SEL1L2: variants seen among roughly 807,000 people sequenced by gnomAD.
SEL1L2 encodes the protein protein sel-1 homolog 2.
Under a neutral mutation model 98.8 loss-of-function variants are expected in SEL1L2, and 89 were observed. The ratio of observed to expected loss-of-function variants is 0.90; its 90% confidence interval spans 0.76 to 1.07. The LOEUF (loss-of-function observed/expected upper bound fraction) is 1.07. Ranked by LOEUF, SEL1L2 falls within the 50% of genes least tolerant of loss-of-function variation. SEL1L2 has a pLI of 0.00. For missense variants in SEL1L2, 788 were observed against 812.0 expected, an observed-to-expected ratio of 0.97 and a Z score of 0.36; for synonymous variants, 262 against 278.5, an observed-to-expected ratio of 0.94 and a Z score of 0.59.
intron 3 of SEL1L2, among the ~76,000 whole-genome samples, chr20:13,930,087 G>A (rs940555108): frequency 1.4e-4 from 21 of 152,284 alleles, no homozygotes; most frequent in East Asian, 7.7e-4. Context: ...AATGGCCACC[G>A]GCCTTCTGAT....
rs560944748 is a variant in SEL1L2, at chr20:13,956,146, A to T, written c.59-15T>A. The T allele has an allele frequency of 1.4e-6, 2 of 1,393,068 alleles. No homozygotes were observed. Among genetic ancestry groups the T allele is most frequent in the Non-Finnish European group, 9.8e-7 (1 of 1,020,420 alleles). 86.3% of individuals were successfully genotyped at this position (1,393,068 alleles called of 1,614,324 possible). A position where few individuals can be genotyped will look rare whatever the true frequency, so the allele number is the denominator to read the frequency against. ...TGCTTTGATAGCTGCAATACACAAA[A>T]TTTTTTTATAAAATTTAAAAGCATT... On this transcript the variant is annotated splice_polypyrimidine_tract_variant and intron_variant, in intron 1 of 19. Coordinates refer to ENST00000284951, the MANE Select transcript of SEL1L2 (RefSeq NM_025229.2).
intron 3 of SEL1L2, among the ~76,000 whole-genome samples, chr20:13,929,042 G>A (rs1458830797): frequency 2.6e-5 from 4 of 152,084 alleles, no homozygotes; most frequent in Non-Finnish European, 4.4e-5. Context: ...GGGTTGGCCC[G>A]ATTCCATCAG....
intron 4 of SEL1L2, among the ~76,000 whole-genome samples, 161 bp from the exon 5 acceptor site, chr20:13,914,105 C>G (rs2048309651): frequency 6.6e-6 from 1 of 152,016 alleles, no homozygotes; most frequent in Admixed American, 6.6e-5. Flanking sequence ...TTTTTTCATT[C>G]CTAAAGCAGT....
At chr20:13,915,147 G>C (rs967110360) in intron 4 of SEL1L2, 11 of 1,289,738 alleles carry the variant, frequency 8.5e-6, no homozygotes, top group Non-Finnish European at 1.1e-5. Context: ...TCCATGCTGA[G>C]GCTAAAATAA....
intron 1 of SEL1L2, among the ~76,000 whole-genome samples, chr20:13,985,855 G>A (rs1044974453): frequency 6.6e-6 from 1 of 152,154 alleles, no homozygotes; most frequent in Non-Finnish European, 1.5e-5. Flanking sequence ...CCGACTTTCA[G>A]TCTCTGTGCA....
At chr20:13,853,819 C>T (rs1988705543) in intron 18 of SEL1L2, among the ~76,000 whole-genome samples, 1 of 152,146 alleles carries the variant, frequency 6.6e-6, no homozygotes, top group African/African-American at 2.4e-5. Flanking sequence ...AATAGTATAC[C>T]ACTATACAAT....
intron 5 of SEL1L2, among the ~76,000 whole-genome samples, chr20:13,905,378 A>G (rs1410260831): frequency 7.2e-6 from 1 of 138,978 alleles, no homozygotes; most frequent in African/African-American, 2.8e-5. Flanking sequence ...CAGTGGCGTG[A>G]TCTCAGCTCA....
At chr20:13,936,960 C>A (rs954430503) in intron 2 of SEL1L2, among the ~76,000 whole-genome samples, 1 of 152,204 alleles carries the variant, frequency 6.6e-6, no homozygotes, top group African/African-American at 2.4e-5. Context: ...CACAGTCTGA[C>A]CTAAAAATGT....
At chr20:13,971,031 C>G (rs2051261694) in intron 1 of SEL1L2, among the ~76,000 whole-genome samples, 1 of 151,604 alleles carries the variant, frequency 6.6e-6, no homozygotes, top group Admixed American at 6.6e-5. Flanking sequence ...TGCATGATTA[C>G]TGGTACAGTT....
At position 13,849,611 on chromosome 20, in the gene SEL1L2, G is replaced by T. The variant is rs1449204703; in HGVS notation, c.1948-7C>A. On this transcript the variant is annotated splice_polypyrimidine_tract_variant and splice_region_variant and intron_variant, in intron 19 of 19. Transcript: ENST00000284951. ...AGTTCCATCTCGTTGTGAACTGCTG[G>T]CAAGAGACATTCTCTCAAAAACAAT... is the stretch of plus-strand genomic sequence containing the variant. 1 of 1,613,052 alleles carries T rather than the reference G, an allele frequency of 6.2e-7. No homozygotes were observed. The highest frequency in any genetic ancestry group is 8.5e-7 in the Non-Finnish European group (1 of 1,179,556).
At chr20:13,869,424 T>G in intron 14 of SEL1L2, 79 bp downstream of exon 14, 1 of 1,078,122 alleles carries the variant, frequency 9.3e-7, no homozygotes, top group Non-Finnish European at 1.4e-6. Flanking sequence ...CACCAAACCT[T>G]TGATGTTTGT....
chr20:13,875,120 C>T (rs756368900), intron 12 of SEL1L2, among the ~76,000 whole-genome samples: 1 of 152,142 alleles, frequency 6.6e-6, no homozygotes, highest in Admixed American at 6.5e-5. Context: ...GGATGTGCTT[C>T]GAAGTTCACT....
intron 2 of SEL1L2, among the ~76,000 whole-genome samples, chr20:13,949,317 A>C (rs1206830502): frequency 3.3e-5 from 5 of 152,192 alleles, no homozygotes; most frequent in Non-Finnish European, 5.9e-5. Flanking sequence ...GAAAACAAAA[A>C]TGAAAACCTC....
chr20:13,983,023 C>CAATAAAAAAAAAA (rs2051924022), intron 1 of SEL1L2, among the ~76,000 whole-genome samples: 1 of 15,562 alleles, frequency 6.4e-5, no homozygotes, highest in Non-Finnish European at 1.4e-4. Context: ...GACTCCATCT[C>CAATAAAAAAAAAA]AAAAAAAAAA....
chr20:13,899,426 T>C (rs187736020), intron 5 of SEL1L2, among the ~76,000 whole-genome samples: 1 of 152,322 alleles, frequency 6.6e-6, no homozygotes, highest in Admixed American at 6.5e-5. Flanking sequence ...ATTATTTATA[T>C]TTTTTCTTCT....
Position 13,850,241 on chromosome 20 carries a change from C to A in SEL1L2, c.1897G>T (p.Val633Phe). 2 of 1,613,990 alleles carry A rather than the reference C, an allele frequency of 1.2e-6. No individual in the cohort carries two copies. The highest frequency in any genetic ancestry group is 1.7e-6 in the Non-Finnish European group (2 of 1,179,918). Reference protein sequence around the residue: ...PDAHIPVLFAVMKLETTHLLR... With the variant: ...PDAHIPVLFAFMKLETTHLLR... ...AAATGCGTAGTTTCCAGTTTCATGA[C>A]GGCAAAGAGCACAGGTATGTGGGCA... The change falls in exon 19 of 20, where the codon GTC becomes TTC. Residue 633 changes from valine (V) to phenylalanine (F), a missense_variant. Transcript: ENST00000284951.
intron 3 of SEL1L2, among the ~76,000 whole-genome samples, chr20:13,929,508 T>C (rs971581980): frequency 2.2e-5 from 3 of 137,996 alleles, no homozygotes; most frequent in African/African-American, 8.5e-5. Flanking sequence ...TTTTTTTTTT[T>C]TTTTTGAGAC....
chr20:13,960,943 A>G (rs1370377657), intron 1 of SEL1L2, among the ~76,000 whole-genome samples: 1 of 152,232 alleles, frequency 6.6e-6, no homozygotes, highest in Admixed American at 6.5e-5. Context: ...GTACACCATC[A>G]AAAATGTCTG....
At chr20:13,907,187 T>C (rs975710457) in intron 5 of SEL1L2, among the ~76,000 whole-genome samples, 3 of 152,230 alleles carry the variant, frequency 2.0e-5, no homozygotes, top group African/African-American at 7.2e-5. Flanking sequence ...AGGAAGTGTA[T>C]ACATCTAAGT....
Sources: gnomAD v4.1 joint callset for allele counts (sites outside exome capture counted in the v4.1 genomes callset) on GRCh38, gnomAD v4.1.1 for gene constraint, MANE v1.5 for transcripts, NCBI Gene and HGNC (gene_info 2026-07-23, HGNC 2026-07-21) for gene names.